The following GFRA1 variants were observed in gnomAD, a reference collection of about 807,000 sequenced individuals.
GFRA1 encodes the protein GDNF family receptor alpha-1.
GFRA1 carries 16 observed loss-of-function variants against 51.6 expected under a neutral mutation model. The observed-to-expected ratio is 0.31, with a 90% confidence interval of 0.21 to 0.47. The LOEUF (loss-of-function observed/expected upper bound fraction) is 0.47. GFRA1 is among the 20% of genes least tolerant of loss of function. The probability of loss-of-function intolerance (pLI) is 1.00; values close to 1 mark genes in which losing one functional copy is unlikely to be tolerated. For synonymous variants in GFRA1, 270 were observed against 241.3 expected (o/e 1.12, Z -1.10); for missense variants, 530 against 594.3 (o/e 0.89, Z 1.13).
At chr10:116,075,814 G>A (rs1000371122) in intron 9 of GFRA1, among the ~76,000 whole-genome samples, 9 of 151,872 alleles carry the variant, frequency 5.9e-5, no homozygotes, top group South Asian at 2.1e-4. Flanking sequence ...GTGCTATCTC[G>A]GCTCACTGCA....
intron 5 of GFRA1, among the ~76,000 whole-genome samples, chr10:116,197,511 C>T (rs1963983834): frequency 6.6e-6 from 1 of 152,110 alleles, no homozygotes; most frequent in Non-Finnish European, 1.5e-5. Flanking sequence ...GTCATTTATA[C>T]ATGTGTGTGC....
At chr10:116,145,031 C>T (rs1379524945) in intron 5 of GFRA1, among the ~76,000 whole-genome samples, 1 of 150,440 alleles carries the variant, frequency 6.6e-6, no homozygotes, top group Admixed American at 6.7e-5. Context: ...CACCTGTAGT[C>T]CCAGCTACTT....
Position 116,129,398 on chromosome 10 carries a change from G to A in GFRA1, c.434-3841C>T, listed in dbSNP as rs145802070. ...TATTTAAAAATATATGTAATTCACT[G>A]CACTAACAGAATACAGTAGGAAAAC... On this transcript the variant is annotated intron_variant, in intron 5 of 10. Transcript: ENST00000355422. Among the ~76,000 whole-genome samples, 257 of 152,182 alleles carry A rather than the reference G, an allele frequency of 1.7e-3. 7 individuals carry two copies. The East Asian group carries it at 0.046, about 27-fold the overall frequency.
At chr10:116,182,183 A>G (rs1962296253) in intron 5 of GFRA1, among the ~76,000 whole-genome samples, 1 of 151,952 alleles carries the variant, frequency 6.6e-6, no homozygotes, top group South Asian at 2.1e-4. Flanking sequence ...ATCCAGATAA[A>G]CCAATGAAAA....
chr10:116,217,923 T>A (rs1161289300), intron 4 of GFRA1, among the ~76,000 whole-genome samples: 1 of 152,180 alleles, frequency 6.6e-6, no homozygotes, highest in Non-Finnish European at 1.5e-5. Context: ...TTGAAAAACC[T>A]CTGCGACTTG....
At chr10:116,105,545 ACCC>A (rs1956974517) in intron 6 of GFRA1, among the ~76,000 whole-genome samples, 1 of 152,116 alleles carries the variant, frequency 6.6e-6, no homozygotes, top group Non-Finnish European at 1.5e-5. Context: ...ATTTACGCAC[ACCC>A]TGTCTTCAGA....
chr10:116,119,403 T>C (rs934260867), intron 6 of GFRA1, among the ~76,000 whole-genome samples: 1 of 152,188 alleles, frequency 6.6e-6, no homozygotes, highest in African/African-American at 2.4e-5. Flanking sequence ...CATGTAATCA[T>C]TTGAAATGAA....
chr10:116,232,624 A>T (rs1966754040), intron 4 of GFRA1, among the ~76,000 whole-genome samples: 3 of 152,256 alleles, frequency 2.0e-5, no homozygotes, highest in Admixed American at 1.3e-4. Context: ...CGGCATAGAT[A>T]GAGAGAAAAG....
Position 116,258,160 on chromosome 10 carries a change from G to C in GFRA1, c.418+11343C>G, listed in dbSNP as rs374475656. On this transcript the variant is annotated intron_variant, in intron 4 of 10. Coordinates refer to ENST00000355422, the MANE Select transcript of GFRA1 (RefSeq NM_005264.8). ...TCTAAAGCAAAAAAGGGAATTCTTA[G>C]AGGACAATTCCTATTTACCTCTGAA... Among the ~76,000 whole-genome samples, 6 of 152,108 alleles carry C rather than the reference G, an allele frequency of 3.9e-5. No individual in the cohort carries two copies. In the South Asian group the frequency reaches 1.2e-3, roughly 32 times the overall value.
At chr10:116,254,332 A>G (rs1390570690) in intron 4 of GFRA1, among the ~76,000 whole-genome samples, 2 of 149,736 alleles carry the variant, frequency 1.3e-5, no homozygotes, top group South Asian at 2.1e-4. Flanking sequence ...AAAAAAAAAA[A>G]AAAGAAAGAA....
At chr10:116,223,634 G>A (rs1017439862) in intron 4 of GFRA1, among the ~76,000 whole-genome samples, 7 of 152,126 alleles carry the variant, frequency 4.6e-5, no homozygotes, top group South Asian at 2.1e-4. Context: ...AAACCTTGGC[G>A]GCTGTACACA....
chr10:116,064,408 T>TCCACC lies in GFRA1; in HGVS notation c.1387_1388insGGTGG (p.Glu463GlyfsTer32). 1 of 1,612,584 alleles carries TCCACC rather than the reference T, an allele frequency of 6.2e-7. No homozygotes were observed. ...ATTTTTTTAATGCAGCTATGATGTT[T>TCCACC]CTGTTAAAGATAATAGGGTGGACAG... On this transcript the variant is annotated frameshift_variant, in exon 11 of 11. Transcript: ENST00000355422. LOFTEE classifies it high-confidence loss of function.
chr10:116,241,094 A>G (rs1565673841), intron 4 of GFRA1, among the ~76,000 whole-genome samples: 1 of 152,068 alleles, frequency 6.6e-6, no homozygotes, highest in Non-Finnish European at 1.5e-5. Context: ...AGATTCATGT[A>G]TTTTCACATA....
chr10:116,096,201 T>C (rs1236645137), intron 7 of GFRA1, among the ~76,000 whole-genome samples: 1 of 152,200 alleles, frequency 6.6e-6, no homozygotes, highest in Non-Finnish European at 1.5e-5. Flanking sequence ...CCCCTGTATT[T>C]AGGGTTTTTA....
intron 5 of GFRA1, among the ~76,000 whole-genome samples, chr10:116,149,416 T>C (rs1408019284): frequency 1.3e-5 from 2 of 152,186 alleles, no homozygotes; most frequent in African/African-American, 4.8e-5. Flanking sequence ...TGGATTTGCA[T>C]TTTTTAATAA....
chr10:116,273,973 CA>C (rs1386138937), upstream of GFRA1, among the ~76,000 whole-genome samples: 4 of 152,188 alleles, frequency 2.6e-5, no homozygotes, highest in Non-Finnish European at 5.9e-5. Flanking sequence ...GGAGCTCCGA[CA>C]AGGAGACAAA....
At chr10:116,187,168 CA>C (rs754906995) in intron 5 of GFRA1, among the ~76,000 whole-genome samples, 4 of 152,204 alleles carry the variant, frequency 2.6e-5, no homozygotes, top group Admixed American at 6.5e-5. Context: ...ATACTTGCAT[CA>C]GTTAATAAAA....
intron 9 of GFRA1, among the ~76,000 whole-genome samples, chr10:116,088,069 T>C (rs1956171485): frequency 6.6e-6 from 1 of 152,128 alleles, no homozygotes. Context: ...TGTGAGTGTC[T>C]CTGAAGACTG....
chr10:116,119,774 C>G (rs1957568308), intron 6 of GFRA1, among the ~76,000 whole-genome samples: 1 of 152,212 alleles, frequency 6.6e-6, no homozygotes, highest in Non-Finnish European at 1.5e-5. Flanking sequence ...ACATTTCTCA[C>G]CTTTTAAAGG....
Sources: allele counts gnomAD v4.1 joint callset (sites outside exome capture counted in the v4.1 genomes callset), GRCh38; gene constraint gnomAD v4.1.1; transcripts MANE v1.5; gene names NCBI Gene and HGNC (gene_info 2026-07-23, HGNC 2026-07-21).